The following TOX variants were observed in gnomAD, a reference collection of about 807,000 sequenced individuals.
The protein encoded by TOX is thymocyte selection-associated high mobility group box protein TOX.
In TOX, 11 loss-of-function variants were observed where a neutral mutation model predicts 53.7. The ratio of observed to expected loss-of-function variants is 0.20; its 90% CI spans 0.13 to 0.34. TOX has a LOEUF of 0.34. Among genes scored for constraint, TOX ranks in the 10% least tolerant of loss-of-function variants. TOX has a pLI of 1.00. For synonymous variants in TOX, 225 were observed against 245.3 expected (o/e 0.92, Z 0.77); for missense variants, 570 against 664.6 (o/e 0.86, Z 1.56).
At chr8:59,081,948 G>A (rs1680814479) in intron 1 of TOX, among the ~76,000 whole-genome samples, 1 of 152,148 alleles carries the variant, frequency 6.6e-6, no homozygotes, top group Non-Finnish European at 1.5e-5. Context: ...ACTTAAAATG[G>A]ATCGTTAAGT....
intron 3 of TOX, among the ~76,000 whole-genome samples, chr8:58,911,637 C>T (rs1811908705): frequency 6.6e-6 from 1 of 152,082 alleles, no homozygotes; most frequent in Non-Finnish European, 1.5e-5. Flanking sequence ...TTCCGAACTG[C>T]AGTGGAAGAT....
At chr8:59,075,351 G>A (rs1191335327) in intron 1 of TOX, among the ~76,000 whole-genome samples, 1 of 152,168 alleles carries the variant, frequency 6.6e-6, no homozygotes, top group Non-Finnish European at 1.5e-5. Context: ...CCCAAAGCAG[G>A]TCATGAGACC....
At chr8:58,820,886 A>G (rs567075658) in intron 6 of TOX, among the ~76,000 whole-genome samples, 2 of 152,206 alleles carry the variant, frequency 1.3e-5, no homozygotes, top group Non-Finnish European at 2.9e-5. Context: ...AACTAGTTCC[A>G]TTGCTCTATA....
chr8:58,828,774 A>T (rs1214554233), intron 5 of TOX, among the ~76,000 whole-genome samples: 1 of 152,184 alleles, frequency 6.6e-6, no homozygotes, highest in Non-Finnish European at 1.5e-5. Context: ...TCTCAAAGAC[A>T]TAATTTATAA....
rs1803741482 is a variant in TOX at position 59,049,093 on chromosome 8, CCCGGTA to C, written c.102+69787_102+69792del. On this transcript the variant is annotated intron_variant, in intron 1 of 8. Transcript: ENST00000361421. ...ATTTTATCTATCCATTATTATTTGG[CCCGGTA>C]ATGAAAATGAAAAAAACAAACAGCT... Among the ~76,000 whole-genome samples, 15 of 131,454 alleles carry C rather than the reference CCCGGTA, an allele frequency of 1.1e-4. No individual in the cohort carries two copies. In the South Asian group the frequency reaches 5.2e-3, roughly 45 times the overall value. 86.2% of individuals were successfully genotyped at this position (131,454 alleles called of 152,430 possible). A position where few individuals can be genotyped will look rare whatever the true frequency, so the allele number is the denominator to read the frequency against.
intron 3 of TOX, among the ~76,000 whole-genome samples, chr8:58,900,551 C>A (rs1269324152): frequency 1.3e-5 from 2 of 152,010 alleles, no homozygotes; most frequent in Non-Finnish European, 2.9e-5. Context: ...TTCTATGAAC[C>A]TACACAGAAG....
intron 1 of TOX, among the ~76,000 whole-genome samples, chr8:59,089,957 G>A (rs1804582204): frequency 1.3e-5 from 2 of 152,210 alleles, no homozygotes; most frequent in East Asian, 3.8e-4. Flanking sequence ...GCATTCTCCA[G>A]TGATGGTCTA....
intron 1 of TOX, among the ~76,000 whole-genome samples, chr8:58,989,043 G>A (rs898663712): frequency 1.3e-5 from 2 of 152,288 alleles, no homozygotes; most frequent in African/African-American, 2.4e-5. Flanking sequence ...GGCTGGGTGC[G>A]GTGGCTCATG....
intron 1 of TOX, among the ~76,000 whole-genome samples, chr8:59,033,939 G>A (rs1007573386): frequency 2.6e-5 from 4 of 152,178 alleles, no homozygotes; most frequent in Admixed American, 2.6e-4. Flanking sequence ...TGCCCTTTCA[G>A]ACTGAAAGTC....
chr8:59,060,464 A>C (rs28641710), intron 1 of TOX, among the ~76,000 whole-genome samples: 1 of 151,960 alleles, frequency 6.6e-6, no homozygotes, highest in Admixed American at 6.6e-5. Flanking sequence ...CGTCTCTACT[A>C]AAAATACAAA....
At chr8:58,904,006 A>G (rs1256904809) in intron 3 of TOX, among the ~76,000 whole-genome samples, 1 of 152,228 alleles carries the variant, frequency 6.6e-6, no homozygotes, top group Non-Finnish European at 1.5e-5. Flanking sequence ...TGAACCACAC[A>G]AGTACTACCA....
chr8:58,969,475 A>G (rs1178390872), intron 1 of TOX, among the ~76,000 whole-genome samples: 1 of 152,176 alleles, frequency 6.6e-6, no homozygotes, highest in Non-Finnish European at 1.5e-5. Flanking sequence ...TTCAAGTACT[A>G]CATAGTTATA....
intron 1 of TOX, among the ~76,000 whole-genome samples, chr8:58,975,071 A>T (rs1282679363): frequency 3.3e-5 from 5 of 152,148 alleles, no homozygotes; most frequent in Non-Finnish European, 7.4e-5. Context: ...TTGTTCAGAT[A>T]TAAATATATG....
At chr8:58,859,706 A>G (rs1217125788) in intron 3 of TOX, among the ~76,000 whole-genome samples, 2 of 152,096 alleles carry the variant, frequency 1.3e-5, no homozygotes, top group Admixed American at 1.3e-4. Context: ...ACTCCTTTAC[A>G]CTGTGGTCTC....
intron 3 of TOX, among the ~76,000 whole-genome samples, chr8:58,928,316 C>A (rs935701568): frequency 1.3e-5 from 2 of 152,238 alleles, no homozygotes; most frequent in Non-Finnish European, 2.9e-5. Flanking sequence ...AAAGAAAAAA[C>A]AACCGCACAC....
At chr8:58,890,006 A>C (rs1343528712) in intron 3 of TOX, among the ~76,000 whole-genome samples, 1 of 152,206 alleles carries the variant, frequency 6.6e-6, no homozygotes, top group Non-Finnish European at 1.5e-5. Context: ...TGGGTGTAAA[A>C]ATAGAAAAAT....
In TOX at chr8:58,974,033, G is replaced by A. The variant is rs147201671; in HGVS notation, c.103-14025C>T. ...GGCTGGTCTTGAACTCCTGACCTCA[G>A]GTGAAACACCTGCCTTGCCCTCCCA... On this transcript the variant is annotated intron_variant, in intron 1 of 8. Transcript: ENST00000361421. 2.9e-3 allele frequency among the ~76,000 whole-genome samples: 436 copies of A among 152,194 alleles called. 1 individual carries two copies. The highest frequency in any genetic ancestry group is 9.8e-3 in the African/African-American group (408 of 41,546).
Position 58,853,112 on chromosome 8 carries a change from G to A in TOX, c.412-1307C>T, listed in dbSNP as rs115727013. Among the ~76,000 whole-genome samples, 166 of 152,154 alleles carry A rather than the reference G, an allele frequency of 1.1e-3. 1 individual carries two copies. The highest frequency in any genetic ancestry group is 4.3e-3 in the East Asian group (22 of 5,172). On this transcript the variant is annotated intron_variant, in intron 3 of 8. Coordinates refer to ENST00000361421, the MANE Select transcript of TOX (RefSeq NM_014729.3). The stretch of plus-strand genomic sequence containing the variant: ...CCATGTGTGCCCTGTGTTCTTCTCC[G>A]GAACGCATTTACTGCCTCCACCATG...
At chr8:59,051,471 T>A (rs977379560) in intron 1 of TOX, among the ~76,000 whole-genome samples, 3 of 152,092 alleles carry the variant, frequency 2.0e-5, no homozygotes, top group African/African-American at 7.2e-5. Flanking sequence ...GCGCCAGAAA[T>A]CTTTACAGTA....
Sources: allele counts gnomAD v4.1 joint callset (sites outside exome capture counted in the v4.1 genomes callset), GRCh38; gene constraint gnomAD v4.1.1; transcripts MANE v1.5; gene names NCBI Gene and HGNC (gene_info 2026-07-23, HGNC 2026-07-21).